Variants in TOGARAM2 observed in about 807,000 individuals in gnomAD.
TOGARAM2 encodes TOG array regulator of axonemal microtubules protein 2.
Under a neutral mutation model 93.3 loss-of-function variants are expected in TOGARAM2, and 85 were observed. That is an observed-to-expected ratio of 0.91 (90% CI 0.76 to 1.09). The LOEUF is 1.09. Ranked by LOEUF, TOGARAM2 falls within the 50% of genes least tolerant of loss-of-function variation. The probability of loss-of-function intolerance (pLI) is 0.00; values close to 1 mark genes in which losing one functional copy is unlikely to be tolerated. For synonymous variants in TOGARAM2, 593 were observed against 552.8 expected (o/e 1.07, Z -1.02); for missense variants, 1,277 against 1,334.5 (o/e 0.96, Z 0.67).
Position 29,017,145 on chromosome 2 carries a change from T to C in TOGARAM2, c.1045-9T>C, listed in dbSNP as rs766384305. On this transcript the variant is annotated splice_polypyrimidine_tract_variant and intron_variant, in intron 8 of 19. Coordinates refer to ENST00000379558, the MANE Select transcript of TOGARAM2 (RefSeq NM_199280.4). Reference sequence around the variant, plus strand: ...GAGGTTAATAGAGTTTGCCTTGACCTTGTGCCAGATCCAAGTCACCATCTC... The same window carrying C: ...GAGGTTAATAGAGTTTGCCTTGACCCTGTGCCAGATCCAAGTCACCATCTC... The C allele has an allele frequency of 1.2e-6, 2 of 1,611,636 alleles. No homozygotes were observed. The highest frequency in any genetic ancestry group is 1.7e-6 in the Non-Finnish European group (2 of 1,179,038).
In TOGARAM2 at chr2:29,035,351, GT is replaced by G. The variant is rs150020417; in HGVS notation, c.2226-112del. On this transcript the variant is annotated intron_variant, in intron 16 of 19. Coordinates refer to ENST00000379558, the MANE Select transcript of TOGARAM2 (RefSeq NM_199280.4). ...AAGCTGGGGGTGGACTAACCTGCAG[GT>G]GACACTCTTGTCTCTGCCCCACCTG... is the stretch of plus-strand genomic sequence containing the variant. 5,640 of 996,890 alleles carry G rather than the reference GT, an allele frequency of 5.7e-3. 236 individuals are homozygous for G. In the African/African-American group the frequency reaches 0.083, roughly 15 times the overall value. The allele number at this position is 996,890 out of a possible 1,614,324, so 61.8% of individuals were successfully genotyped here. A position where few individuals can be genotyped will look rare whatever the true frequency, so the allele number is the denominator to read the frequency against.
rs151216184 is a variant in TOGARAM2, at chr2:28,971,775, G to C, written c.-147+15078G>C. On this transcript the variant is annotated intron_variant, in intron 1 of 6. Transcript: ENST00000401723. ...GGCTTGGACAACTTTCTTGAGGTCT[G>C]ATTTTTCTTGATGGTTCTAAGGAGT... Among the ~76,000 whole-genome samples the C allele has an allele frequency of 2.8e-3, 422 of 152,266 alleles. 1 individual carries two copies. The highest frequency in any genetic ancestry group is 9.7e-3 in the African/African-American group (405 of 41,566).
At chr2:29,015,297 T>A (rs1279919896) in intron 8 of TOGARAM2, among the ~76,000 whole-genome samples, 1 of 152,138 alleles carries the variant, frequency 6.6e-6, no homozygotes, top group Admixed American at 6.5e-5. Context: ...TCCACCCCAC[T>A]TCTGCGCTCC....
intron 6 of TOGARAM2, among the ~76,000 whole-genome samples, chr2:29,005,410 T>C (rs566704680): frequency 7.4e-5 from 4 of 54,272 alleles, no homozygotes; most frequent in South Asian, 4.8e-4. Flanking sequence ...AGTGTGTGTG[T>C]GCGTGTGTGA....
At chr2:29,022,330 G>A (rs777583918) in intron 11 of TOGARAM2, 22 bp downstream of exon 11, 13 of 1,613,056 alleles carry the variant, frequency 8.1e-6, no homozygotes, top group African/African-American at 1.3e-5. Flanking sequence ...CTTCCACCAC[G>A]TGCTGTGTTC....
intron 1 of TOGARAM2, among the ~76,000 whole-genome samples, chr2:28,976,109 G>A (rs535784606): frequency 9.8e-5 from 15 of 152,296 alleles, no homozygotes; most frequent in Admixed American, 7.2e-4. Flanking sequence ...GGCGGCTCAC[G>A]CCTGTAATCC....
At chr2:28,983,220 T>A (rs1443384609) in intron 1 of TOGARAM2, among the ~76,000 whole-genome samples, 13 of 100,634 alleles carry the variant, frequency 1.3e-4, no homozygotes, top group African/African-American at 4.4e-4. Flanking sequence ...TTTTTTTTTT[T>A]TTTTTTGTAG....
chr2:29,040,774 G>T (rs773312995), intron 18 of TOGARAM2, among the ~76,000 whole-genome samples: 3 of 152,080 alleles, frequency 2.0e-5, no homozygotes, highest in African/African-American at 4.8e-5. Context: ...CCGCCACTGC[G>T]CCATAAGGCT....
At chr2:28,997,614 G>C (rs1055717502) in intron 2 of TOGARAM2, among the ~76,000 whole-genome samples, 1 of 152,220 alleles carries the variant, frequency 6.6e-6, no homozygotes, top group African/African-American at 2.4e-5. Flanking sequence ...GGGAAGATCA[G>C]TGTAGGACAT....
At chr2:29,017,453 C>T (rs13013823) in intron 9 of TOGARAM2, 149 bp downstream of exon 9, 10 of 867,192 alleles carry the variant, frequency 1.2e-5, no homozygotes, top group Non-Finnish European at 1.7e-5. Flanking sequence ...GTGGCCCAGG[C>T]TAAAGGGCAG....
chr2:29,042,309 G>A (rs1012116591), intron 18 of TOGARAM2, among the ~76,000 whole-genome samples: 3 of 152,248 alleles, frequency 2.0e-5, no homozygotes, highest in African/African-American at 7.2e-5. Context: ...CATTTATTCA[G>A]CACCTGCAGT....
At chr2:28,992,414 G>A (rs1672778283) in intron 1 of TOGARAM2, among the ~76,000 whole-genome samples, 1 of 152,080 alleles carries the variant, frequency 6.6e-6, no homozygotes, top group African/African-American at 2.4e-5. Flanking sequence ...GGATGCTTTG[G>A]CGAGCCATGG....
chr2:29,006,521 T>C (rs1046506418), intron 6 of TOGARAM2, among the ~76,000 whole-genome samples: 2 of 152,084 alleles, frequency 1.3e-5, no homozygotes, highest in Non-Finnish European at 2.9e-5. Context: ...TCAGGGCCTA[T>C]GGGCCTGGCT....
At chr2:29,045,431 C>G (rs769876502) in intron 19 of TOGARAM2, 21 bp downstream of exon 19, 1 of 1,598,546 alleles carries the variant, frequency 6.3e-7, no homozygotes, top group South Asian at 1.1e-5. Context: ...CCAGCCCCAC[C>G]CCACCCCATC....
chr2:29,024,383 C>T lies in TOGARAM2; in HGVS notation c.1853+9C>T. The T allele has an allele frequency of 6.4e-7, 1 of 1,560,444 alleles. No homozygotes were observed. Among genetic ancestry groups the T allele is most frequent in the Non-Finnish European group, 8.7e-7 (1 of 1,148,942 alleles). On this transcript the variant is annotated intron_variant, in intron 13 of 19. Transcript: ENST00000379558. ...ACCTCGGCGGGTGTCTAGTATGTGG[C>T]TGCCTGTTGTCTGAGGGGCGGGGAA...
At chr2:29,010,706 C>T (rs1664192271) in intron 6 of TOGARAM2, among the ~76,000 whole-genome samples, 1 of 151,976 alleles carries the variant, frequency 6.6e-6, no homozygotes, top group Non-Finnish European at 1.5e-5. Context: ...GGCTGGTCTC[C>T]ATGGGAACCT....
chr2:29,019,100 T>C (rs983456132), intron 10 of TOGARAM2, among the ~76,000 whole-genome samples: 1 of 151,718 alleles, frequency 6.6e-6, no homozygotes, highest in East Asian at 1.9e-4. Flanking sequence ...TTGAGAGATA[T>C]GGCAAAAATC....
At chr2:29,016,670 T>C (rs1020341536) in intron 8 of TOGARAM2, among the ~76,000 whole-genome samples, 1 of 152,046 alleles carries the variant, frequency 6.6e-6, no homozygotes, top group African/African-American at 2.4e-5. Flanking sequence ...TTGGCCCGGG[T>C]GATGTGGATC....
At chr2:29,051,660 C>T (rs1351053950) in intron 19 of TOGARAM2, 96 bp from the exon 20 acceptor site, 3 of 1,034,046 alleles carry the variant, frequency 2.9e-6, no homozygotes, top group Non-Finnish European at 4.1e-6. Context: ...TGCTGGGCTG[C>T]CAGCCCTTTG....
Sources: allele counts gnomAD v4.1 joint callset (sites outside exome capture counted in the v4.1 genomes callset), GRCh38; gene constraint gnomAD v4.1.1; transcripts MANE v1.5; gene names NCBI Gene and HGNC (gene_info 2026-07-23, HGNC 2026-07-21).